Variants in ORM2 observed in about 807,000 individuals in gnomAD.
The protein encoded by ORM2 is alpha-1-acid glycoprotein 2.
ORM2 carries 19 observed loss-of-function variants against 26.8 expected under a neutral mutation model. That is an observed-to-expected ratio of 0.71 (90% CI 0.49 to 1.04). The LOEUF (loss-of-function observed/expected upper bound fraction) is 1.04, where lower values mean the gene tolerates loss of function less well. Ranked by LOEUF, ORM2 falls within the 50% of genes least tolerant of loss-of-function variation. The pLI is 0.00. For synonymous variants in ORM2, 94 were observed against 100.0 expected, an observed-to-expected ratio of 0.94 and a Z score of 0.36; for missense variants, 259 against 244.9, an observed-to-expected ratio of 1.06 and a Z score of -0.39.
intron 2 of ORM2, 81 bp downstream of exon 2, chr9:114,330,657 T>G: frequency 6.2e-7 from 1 of 1,600,172 alleles, no homozygotes; most frequent in South Asian, 1.1e-5. Context: ...TTCCTGGCCT[T>G]GGCCTTCCCA....
chr9:114,331,947 G>C lies in ORM2; in HGVS notation c.540+18G>C. 6.2e-7 allele frequency: 1 copy of C among 1,609,438 alleles called. No individual in the cohort carries two copies. ...GGAAAAAGGTAAACGCAAGGGATTG[G>C]ACAGTGCCCACCTTGTCCATGGCCC... On this transcript the variant is annotated intron_variant, in intron 5 of 5. Coordinates refer to ENST00000431067, the MANE Select transcript of ORM2 (RefSeq NM_000608.4).
At chr9:114,331,138 C>G (rs1023816190) in intron 3 of ORM2, among the ~76,000 whole-genome samples, 1 of 152,080 alleles carries the variant, frequency 6.6e-6, no homozygotes, top group African/African-American at 2.4e-5. Flanking sequence ...TCAGATCTGC[C>G]TCTCTCTCAC....
intron 1 of ORM2, 133 bp downstream of exon 1, chr9:114,330,151 G>A: frequency 2.0e-6 from 3 of 1,532,666 alleles, no homozygotes; most frequent in Non-Finnish European, 1.8e-6. Flanking sequence ...TCCCCAGGGT[G>A]AAATTCTCAC....
intron 5 of ORM2, among the ~76,000 whole-genome samples, chr9:114,332,700 G>A (rs1214670241): frequency 1.3e-5 from 2 of 152,134 alleles, no homozygotes; most frequent in Non-Finnish European, 2.9e-5. Flanking sequence ...CACCTCCACT[G>A]TCTGGCTAGG....
chr9:114,332,937 A>G, intron 5 of ORM2, 132 bp from the exon 6 acceptor site: 1 of 1,001,028 alleles, frequency 1.0e-6, no homozygotes, highest in East Asian at 2.6e-5. Flanking sequence ...GGGAAGTGAC[A>G]GTGCCAGGGT....
rs1271261408 is a variant in ORM2 at position 114,331,835 on chromosome 9, CAG to C, written c.450_451del (p.Glu150AspfsTer32). 1.2e-6 allele frequency: 2 copies of C among 1,613,640 alleles called. No homozygotes were observed. The highest frequency in any genetic ancestry group is 1.7e-6 in the Non-Finnish European group (2 of 1,179,858). ...CTTGCTCCCCCTGCAGCTGACAAGC[CAG>C]AGACGACCAAGGAGCAACTGGGAGA... On this transcript the variant is annotated frameshift_variant, in exon 5 of 6. Coordinates refer to ENST00000431067, the MANE Select transcript of ORM2 (RefSeq NM_000608.4). LOFTEE classifies it high-confidence loss of function.
At position 114,331,861 on chromosome 9, in the gene ORM2, G is replaced by C. The variant is rs1168424280; in HGVS notation, c.472G>C (p.Glu158Gln). 1 of 1,613,740 alleles carries C rather than the reference G, an allele frequency of 6.2e-7. No individual in the cohort carries two copies. Among genetic ancestry groups the C allele is most frequent in the East Asian group, 2.2e-5 (1 of 44,882 alleles). Residue 158 changes from glutamate to glutamine, a missense_variant, in exon 5 of 6, where the codon GAG becomes CAG. Glu to Gln is a conservative substitution (Grantham distance 29). This residue lies in a region of ORM2 where 251 missense variants were observed against 220.5 expected (regional missense o/e 1.14). Transcript: ENST00000431067. Reference protein sequence around the residue: ...KPETTKEQLGEFYEALDCLCI... With the variant: ...KPETTKEQLGQFYEALDCLCI... ...AGAGACGACCAAGGAGCAACTGGGA[G>C]AGTTCTACGAAGCTCTCGACTGCTT...
chr9:114,330,774 C>T lies in ORM2; in HGVS notation c.258-18C>T. 1.2e-6 allele frequency: 2 copies of T among 1,613,010 alleles called. No homozygotes were observed. Among genetic ancestry groups the T allele is most frequent in the Non-Finnish European group, 8.5e-7 (1 of 1,179,206 alleles). On this transcript the variant is annotated intron_variant, in intron 2 of 5. Coordinates refer to ENST00000431067, the MANE Select transcript of ORM2 (RefSeq NM_000608.4). ...CGATAACATTACTGTTTTTCTTCCGCCTTCTGGTTGACTTTAGCCAGAACC... is the reference window on the plus strand; with the variant it reads ...CGATAACATTACTGTTTTTCTTCCGTCTTCTGGTTGACTTTAGCCAGAACC...
Position 114,331,556 on chromosome 9 carries a change from T to G in ORM2, c.329-11T>G, listed in dbSNP as rs1405087223. 1.2e-6 allele frequency: 2 copies of G among 1,609,678 alleles called. No individual in the cohort carries two copies. Among genetic ancestry groups the G allele is most frequent in the Non-Finnish European group, 1.7e-6 (2 of 1,176,748 alleles). ...CCATGTTCTCACCCAGAGGCTCTTT[T>G]TCTCTTCCAGAGGGAGGCCGAGAAC... On this transcript the variant is annotated splice_polypyrimidine_tract_variant and intron_variant, in intron 3 of 5. Coordinates refer to ENST00000431067, the MANE Select transcript of ORM2 (RefSeq NM_000608.4).
chr9:114,331,506 G>C (rs1229185993), intron 3 of ORM2, 61 bp from the exon 4 acceptor site: 1 of 1,401,404 alleles, frequency 7.1e-7, no homozygotes, highest in African/African-American at 1.4e-5. Context: ...CTCCTCACCT[G>C]TAAGACAGGC....
intron 3 of ORM2, 56 bp downstream of exon 3, chr9:114,330,918 T>C: frequency 7.5e-6 from 11 of 1,458,808 alleles, no homozygotes; most frequent in Non-Finnish European, 1.1e-5. Flanking sequence ...CAGGCCAGCA[T>C]AAGGTGGGGG....
chr9:114,331,576 G>A lies in ORM2; in HGVS notation c.338G>A (p.Arg113Gln), dbSNP rs142633392. 9.4e-4 allele frequency: 1,518 copies of A among 1,613,592 alleles called. 25 individuals are homozygous for A. In the African/African-American group the frequency reaches 0.018, roughly 19 times the overall value. Reference protein sequence around the residue: ...NGTVSRYEGGREHVAHLLFLR... With the variant: ...NGTVSRYEGGQEHVAHLLFLR... ...TCTTTTTCTCTTCCAGAGGGAGGCCGAGAACATGTTGCTCACCTGCTGTTC... is the reference window on the plus strand; with the variant it reads ...TCTTTTTCTCTTCCAGAGGGAGGCCAAGAACATGTTGCTCACCTGCTGTTC... Residue 113 changes from arginine to glutamine, a missense_variant, in exon 4 of 6, where the codon CGA (arginine) becomes CAA (glutamine). By Grantham distance (43) the Arg-to-Gln change is conservative. Around this residue, in one of 2 missense-constraint regions of ORM2, gnomAD observed 251 missense variants for 220.5 expected, o/e 1.14. Coordinates refer to ENST00000431067, the MANE Select transcript of ORM2 (RefSeq NM_000608.4).
At chr9:114,332,302 C>A (rs1422222987) in intron 5 of ORM2, among the ~76,000 whole-genome samples, 7 of 152,164 alleles carry the variant, frequency 4.6e-5, no homozygotes, top group Admixed American at 4.6e-4. Context: ...AATACCCGTG[C>A]AGTGGGGAAT....
At position 114,330,093 on chromosome 9, in the gene ORM2, G is replaced by C. The variant is rs749585955; in HGVS notation, c.114+75G>C. The C allele has an allele frequency of 3.7e-6, 6 of 1,611,938 alleles. No homozygotes were observed. The Admixed American group carries it at 1.0e-4, about 27-fold the overall frequency. On this transcript the variant is annotated intron_variant, in intron 1 of 5. Transcript: ENST00000431067. ...TTCTCTGGGCTTCCCTTTACCTGCTGGCTGTGGTCGCACCCCCACTCCCAG... is the reference window on the plus strand; with the variant it reads ...TTCTCTGGGCTTCCCTTTACCTGCTCGCTGTGGTCGCACCCCCACTCCCAG...
rs1829853118 is a variant in ORM2 at position 114,331,614 on chromosome 9, A to C, written c.376A>C (p.Lys126Gln). 6.2e-7 allele frequency: 1 copy of C among 1,613,906 alleles called. No homozygotes were observed. The highest frequency in any genetic ancestry group is 8.5e-7 in the Non-Finnish European group (1 of 1,180,014). The change falls in exon 4 of 6, where the codon AAG (lysine) becomes CAG (glutamine). Residue 126 changes from lysine to glutamine, a missense_variant. By Grantham distance (53) the Lys-to-Gln change is moderately conservative. Around this residue, in one of 2 missense-constraint regions of ORM2, gnomAD observed 251 missense variants for 220.5 expected, o/e 1.14. Transcript: ENST00000431067. ...VAHLLFLRDT[K>Q]TLMFGSYLDD... The stretch of plus-strand genomic sequence containing the variant: ...TCACCTGCTGTTCCTTAGGGACACC[A>C]AGACCTTGATGTTTGGTTCCTACCT...
chr9:114,331,262 G>A (rs1371350328), intron 3 of ORM2, among the ~76,000 whole-genome samples: 1 of 152,106 alleles, frequency 6.6e-6, no homozygotes, highest in Non-Finnish European at 1.5e-5. Flanking sequence ...GGATCTGATG[G>A]AGCTGAACTG....
At chr9:114,330,230 G>A (rs1242619652) in intron 1 of ORM2, 1 of 731,666 alleles carries the variant, frequency 1.4e-6, no homozygotes, top group African/African-American at 1.9e-5. Context: ...GTCCTTCACG[G>A]AGGACGGTTC....
chr9:114,332,520 T>C (rs1314887431), intron 5 of ORM2, among the ~76,000 whole-genome samples: 1 of 152,118 alleles, frequency 6.6e-6, no homozygotes, highest in Admixed American at 6.5e-5. Flanking sequence ...TTAAAATATA[T>C]ACATGCAGTA....
rs1025425783 is a variant in ORM2, at chr9:114,330,935, G to A, written c.328+73G>A. 7.1e-4 allele frequency: 898 copies of A among 1,265,512 alleles called. 7 individuals are homozygous for A. Among genetic ancestry groups the A allele is most frequent in the Non-Finnish European group, 4.5e-4 (392 of 870,734 alleles). 78.4% of individuals were successfully genotyped at this position (1,265,512 alleles called of 1,614,324 possible). ...GGCCAGCATAAGGTGGGGGCTGGAT[G>A]TAGAGCCCTGGAGGCTTTGGGCACA... On this transcript the variant is annotated intron_variant, in intron 3 of 5. Transcript: ENST00000431067.
Sources: gnomAD v4.1 joint callset for allele counts (sites outside exome capture counted in the v4.1 genomes callset) on GRCh38, gnomAD v4.1.1 for gene constraint, gnomAD v4.1.1 regional missense constraint, MANE v1.5 for transcripts, NCBI Gene and HGNC (gene_info 2026-07-23, HGNC 2026-07-21) for gene names.